NRXN3: variants seen among roughly 807,000 people sequenced by gnomAD.
NRXN3 encodes neurexin 3, also known as neurexin III.
In NRXN3, 32 loss-of-function variants were observed where a neutral mutation model predicts 137.6. That is an observed-to-expected ratio of 0.23 (90% CI 0.18 to 0.31). The LOEUF is 0.31. NRXN3 is among the 10% of genes least tolerant of loss of function. The probability of loss-of-function intolerance (pLI) is 1.00; values close to 1 mark genes in which losing one functional copy is unlikely to be tolerated. For synonymous variants in NRXN3, 798 were observed against 784.5 expected (o/e 1.02, Z -0.29); for missense variants, 1,574 against 2,062.5 (o/e 0.76, Z 4.59).
At chr14:78,869,620 G>C (rs977244327) in intron 10 of NRXN3, among the ~76,000 whole-genome samples, 4 of 151,868 alleles carry the variant, frequency 2.6e-5, no homozygotes, top group Admixed American at 1.3e-4. Flanking sequence ...TCCTCTTCTT[G>C]TAATGCCTTT....
At chr14:79,437,787 C>A (rs2153563880) in intron 15 of NRXN3, among the ~76,000 whole-genome samples, 1 of 152,302 alleles carries the variant, frequency 6.6e-6, no homozygotes, top group African/African-American at 2.4e-5. Context: ...TCCTCATCAA[C>A]CTAAATCTGC....
intron 15 of NRXN3, among the ~76,000 whole-genome samples, chr14:79,323,993 G>A (rs989884708): frequency 6.6e-6 from 1 of 152,198 alleles, no homozygotes; most frequent in African/African-American, 2.4e-5. Context: ...TTCTATTGCT[G>A]GTCAATGCAG....
chr14:78,497,488 T>G (rs569018830), intron 4 of NRXN3, among the ~76,000 whole-genome samples: 2 of 152,260 alleles, frequency 1.3e-5, no homozygotes, highest in Admixed American at 1.3e-4. Context: ...TCACTTGCTG[T>G]TCTCATTAAC....
In NRXN3 at chr14:78,734,664, G is replaced by A. The variant is rs77711568; in HGVS notation, c.2044+19525G>A. ...GGGTGATCAGGGAAACAGCTCCAGA[G>A]GGAATGATGCTTGACTTGACATTTG... On this transcript the variant is annotated intron_variant, in intron 8 of 20. Coordinates refer to ENST00000335750, the MANE Select transcript of NRXN3 (RefSeq NM_001330195.2). Among the ~76,000 whole-genome samples, 2,502 of 152,296 alleles carry A rather than the reference G, an allele frequency of 0.016. 115 individuals are homozygous for A. The East Asian group carries it at 0.21, about 13-fold the overall frequency.
chr14:79,280,571 G>T (rs373660922), intron 15 of NRXN3: 6 of 1,583,182 alleles, frequency 3.8e-6, no homozygotes, highest in Non-Finnish European at 5.2e-6. Flanking sequence ...CTTTTAATGG[G>T]GCATAGCAAT....
intron 15 of NRXN3, chr14:79,314,258 G>T (rs1372126556): frequency 1.7e-4 from 22 of 130,980 alleles, no homozygotes; most frequent in African/African-American, 6.2e-4. Context: ...CCTGGGAAGC[G>T]CAAGGGGTCA....
At chr14:79,360,995 T>C (rs2093662665) in intron 15 of NRXN3, among the ~76,000 whole-genome samples, 1 of 152,232 alleles carries the variant, frequency 6.6e-6, no homozygotes, top group African/African-American at 2.4e-5. Flanking sequence ...TCTAGTCCTT[T>C]AAATATGAGT....
chr14:79,853,646 T>C, intron 20 of NRXN3: 1 of 1,337,662 alleles, frequency 7.5e-7, no homozygotes, highest in Non-Finnish European at 9.9e-7. Flanking sequence ...AGTTCACTCA[T>C]AGATATGACC....
chr14:78,174,541 C>A (rs546912968), intron 1 of NRXN3, among the ~76,000 whole-genome samples: 9 of 152,272 alleles, frequency 5.9e-5, no homozygotes, highest in Admixed American at 2.0e-4. Flanking sequence ...TTTTGTCAAG[C>A]ACCAGCGTGC....
Position 79,732,372 on chromosome 14 carries a change from T to A in NRXN3, c.4014+34435T>A, listed in dbSNP as rs954032093. ...AGAGGAAATTTTAAGTTCTTGTGTG[T>A]GTGAGTAAGAAGGAGCATGAGAATA... On this transcript the variant is annotated intron_variant, in intron 19 of 20. Coordinates refer to ENST00000335750, the MANE Select transcript of NRXN3 (RefSeq NM_001330195.2). Among the ~76,000 whole-genome samples the A allele has an allele frequency of 9.2e-5, 14 of 152,272 alleles. No homozygotes were observed. In the South Asian group the frequency reaches 2.9e-3, roughly 32 times the overall value.
At chr14:79,579,318 G>C (rs1401420194) in intron 16 of NRXN3, among the ~76,000 whole-genome samples, 1 of 143,584 alleles carries the variant, frequency 7.0e-6, no homozygotes, top group Non-Finnish European at 1.5e-5. Flanking sequence ...TTAAGCAAAT[G>C]TGTACGTATG....
intron 15 of NRXN3, among the ~76,000 whole-genome samples, chr14:79,441,996 A>G (rs2095971114): frequency 6.6e-6 from 1 of 151,738 alleles, no homozygotes; most frequent in South Asian, 2.1e-4. Flanking sequence ...TCTTCTCCTC[A>G]TTCTAGGTGA....
chr14:78,413,093 ATTC>A (rs2092927339), intron 4 of NRXN3, among the ~76,000 whole-genome samples: 1 of 152,128 alleles, frequency 6.6e-6, no homozygotes, highest in South Asian at 2.1e-4. Flanking sequence ...TGAGATGGGG[ATTC>A]TTCTTTAAGT....
At chr14:78,974,707 G>T (rs1022057420) in intron 14 of NRXN3, among the ~76,000 whole-genome samples, 2 of 151,714 alleles carry the variant, frequency 1.3e-5, no homozygotes, top group Non-Finnish European at 2.9e-5. Context: ...ATTTGGGGCC[G>T]TCTTACTCTT....
intron 4 of NRXN3, among the ~76,000 whole-genome samples, chr14:78,505,302 T>TTGTTTTTAGCTGGGCCAAAGAA (rs2095965925): frequency 6.6e-6 from 1 of 152,186 alleles, no homozygotes; most frequent in African/African-American, 2.4e-5. Flanking sequence ...AAGCAGCTTC[T>TTGTTTTTAGCTGGGCCAAAGAA]TGTTTTTAGC....
chr14:79,452,683 A>G (rs190738243), intron 15 of NRXN3, among the ~76,000 whole-genome samples: 6 of 152,338 alleles, frequency 3.9e-5, no homozygotes, highest in African/African-American at 1.2e-4. Flanking sequence ...CTTTCAAAGG[A>G]GGAAGAGGTA....
intron 4 of NRXN3, among the ~76,000 whole-genome samples, chr14:78,338,786 G>T (rs1279175337): frequency 2.0e-5 from 3 of 152,156 alleles, no homozygotes; most frequent in Non-Finnish European, 2.9e-5. Context: ...CAAAAATTAG[G>T]CTTTGGTACT....
intron 15 of NRXN3, among the ~76,000 whole-genome samples, chr14:79,001,114 G>A (rs2099540506): frequency 1.3e-5 from 2 of 152,092 alleles, no homozygotes; most frequent in Admixed American, 6.6e-5. Flanking sequence ...CTTGTCACAT[G>A]GAATCTTTTG....
At chr14:78,530,897 AT>A (rs980071536) in intron 4 of NRXN3, among the ~76,000 whole-genome samples, 2 of 152,104 alleles carry the variant, frequency 1.3e-5, no homozygotes, top group Non-Finnish European at 2.9e-5. Flanking sequence ...CTAAGAACTC[AT>A]TTTTTCCCCT....
Sources: gnomAD v4.1 joint callset for allele counts (sites outside exome capture counted in the v4.1 genomes callset) on GRCh38, gnomAD v4.1.1 for gene constraint, MANE v1.5 for transcripts, NCBI Gene and HGNC (gene_info 2026-07-23, HGNC 2026-07-21) for gene names.